The following CEP89 variants were observed in gnomAD, a reference collection of about 807,000 sequenced individuals.
The protein encoded by CEP89 is centrosomal protein of 89 kDa.
CEP89 carries 95 observed loss-of-function variants against 97.6 expected under a neutral mutation model. That is an observed-to-expected ratio of 0.97 (90% CI 0.82 to 1.15). The LOEUF is 1.15. Ranked by LOEUF, CEP89 falls within the 50% of genes most tolerant of loss-of-function variation. The pLI, the probability that CEP89 is intolerant of heterozygous loss-of-function variation, is 0.00. For synonymous variants in CEP89, 354 were observed against 349.1 expected (o/e 1.01, Z -0.16); for missense variants, 869 against 947.7 (o/e 0.92, Z 1.09).
At chr19:32,971,350 G>A (rs1971404678) in intron 1 of CEP89, 1 of 425,184 alleles carries the variant, frequency 2.4e-6, no homozygotes, top group Non-Finnish European at 4.2e-6. Context: ...GGGGAGGCAG[G>A]GTGCTCCTGT....
At chr19:32,958,708 A>G (rs1971101905) in intron 3 of CEP89, among the ~76,000 whole-genome samples, 1 of 151,130 alleles carries the variant, frequency 6.6e-6, no homozygotes, top group Non-Finnish European at 1.5e-5. Flanking sequence ...AAAGGTGAAT[A>G]TACGTGACAA....
intron 16 of CEP89, among the ~76,000 whole-genome samples, chr19:32,888,086 C>G (rs916091433): frequency 6.6e-6 from 1 of 152,188 alleles, no homozygotes; most frequent in African/African-American, 2.4e-5. Flanking sequence ...CCCCACAGAC[C>G]AGGGGAACGG....
chr19:32,937,484 G>T, intron 7 of CEP89, 147 bp downstream of exon 7: 1 of 707,942 alleles, frequency 1.4e-6, no homozygotes, highest in Non-Finnish European at 2.5e-6. Context: ...ACTACCTAGT[G>T]TTTGGACCCT....
chr19:32,916,531 G>A (rs1040987419), intron 13 of CEP89, among the ~76,000 whole-genome samples: 4 of 152,084 alleles, frequency 2.6e-5, no homozygotes, highest in Non-Finnish European at 4.4e-5. Context: ...CTAAGAACTG[G>A]ATTTATTATT....
chr19:32,915,310 A>G (rs536086354), intron 14 of CEP89, 27 bp downstream of exon 14: 123 of 1,560,522 alleles, frequency 7.9e-5, no homozygotes, highest in Middle Eastern at 1.7e-4. Flanking sequence ...GAAAAAAAAA[A>G]AAAAAGAAAA....
At chr19:32,913,453 T>C (rs527349811) in intron 14 of CEP89, among the ~76,000 whole-genome samples, 7 of 152,012 alleles carry the variant, frequency 4.6e-5, no homozygotes, top group African/African-American at 1.4e-4. Flanking sequence ...CATAGGTATA[T>C]ATATACACGC....
rs535435272 is a variant in CEP89 at position 32,887,218 on chromosome 19, T to C, written c.1965+534A>G. On this transcript the variant is annotated intron_variant, in intron 17 of 18. Coordinates refer to ENST00000305768, the MANE Select transcript of CEP89 (RefSeq NM_032816.5). ...CTTTTATTGGTGTTTTGTTTTGTTT[T>C]GGTTTTGGTTTTTTTTTGAGACAGG... Among the ~76,000 whole-genome samples, 8 of 151,582 alleles carry C rather than the reference T, an allele frequency of 5.3e-5. No homozygotes were observed. The South Asian group carries it at 1.5e-3, about 28-fold the overall frequency.
intron 14 of CEP89, among the ~76,000 whole-genome samples, chr19:32,911,642 A>T (rs1230622992): frequency 6.6e-6 from 1 of 152,080 alleles, no homozygotes; most frequent in Non-Finnish European, 1.5e-5. Flanking sequence ...ACAGAGGGAG[A>T]TCTCATCTCA....
chr19:32,951,518 TATATATATATATATATAC>T (rs937633479), intron 4 of CEP89, among the ~76,000 whole-genome samples: 35 of 45,346 alleles, frequency 7.7e-4, no homozygotes, highest in East Asian at 1.8e-3. Context: ...AAATTATATA[TATATATATATATATATAC>T]ACACACACAC....
chr19:32,943,053 G>T (rs536914025), intron 5 of CEP89, among the ~76,000 whole-genome samples: 4 of 151,438 alleles, frequency 2.6e-5, no homozygotes, highest in Admixed American at 2.0e-4. Context: ...TCCAGCTGCC[G>T]GGCTCAAGTG....
intron 1 of CEP89, 96 bp downstream of exon 1, chr19:32,971,740 A>G (rs1251848557): frequency 2.7e-5 from 34 of 1,252,870 alleles, no homozygotes; most frequent in Non-Finnish European, 3.8e-5. Context: ...CGCCCCCTTG[A>G]CTGGATCTCA....
intron 11 of CEP89, among the ~76,000 whole-genome samples, chr19:32,925,384 C>T (rs182298383): frequency 1.3e-5 from 2 of 152,134 alleles, no homozygotes; most frequent in African/African-American, 4.8e-5. Context: ...AACAGCTCAG[C>T]AATCAGACTT....
intron 14 of CEP89, among the ~76,000 whole-genome samples, chr19:32,901,839 G>A (rs566207774): frequency 6.6e-6 from 1 of 152,262 alleles, no homozygotes; most frequent in South Asian, 2.1e-4. Context: ...TGCCCAGGCT[G>A]GTTTCGAGCT....
At chr19:32,941,924 T>A (rs1970694869) in intron 5 of CEP89, among the ~76,000 whole-genome samples, 1 of 152,066 alleles carries the variant, frequency 6.6e-6, no homozygotes, top group African/African-American at 2.4e-5. Context: ...TAAGAAAAAA[T>A]ATATATTTTT....
At chr19:32,934,028 A>G (rs963490326) in intron 7 of CEP89, among the ~76,000 whole-genome samples, 17 of 152,234 alleles carry the variant, frequency 1.1e-4, no homozygotes, top group Non-Finnish European at 2.4e-4. Flanking sequence ...CCAGCAGGGA[A>G]GAAGGCAGGT....
rs10411735 is a variant in CEP89, at chr19:32,953,801, C to T, written c.306G>A (p.Arg102=). 0.34 allele frequency: 553,446 copies of T among 1,606,874 alleles called. 98,065 individuals carry two copies. Among genetic ancestry groups the T allele is most frequent in the Admixed American group, 0.55 (32,792 of 59,898 alleles). Reference sequence around the variant, plus strand: ...TTCCCATCTCACTCTGCCAATTTGGCCTGTATTAGAATATTCATGGGGAAA... The same window carrying T: ...TTCCCATCTCACTCTGCCAATTTGGTCTGTATTAGAATATTCATGGGGAAA... ...PYATTSQLRP[R]PNWQSEMGRR... is the part of the protein sequence containing the mutation. The change falls in exon 4 of 19, where the codon CGG becomes CGA. Residue 102 remains arginine, a splice_region_variant and synonymous_variant. Coordinates refer to ENST00000305768, the MANE Select transcript of CEP89 (RefSeq NM_032816.5).
intron 2 of CEP89, chr19:32,963,954 ACACACACACAC>A (rs1971228400): frequency 2.6e-5 from 2 of 76,708 alleles, no homozygotes; most frequent in African/African-American, 9.0e-5. Flanking sequence ...ACACACACAC[ACACACACACAC>A]ACACACACAC....
intron 5 of CEP89, among the ~76,000 whole-genome samples, chr19:32,940,456 T>A (rs1304698758): frequency 1.3e-5 from 2 of 151,516 alleles, no homozygotes; most frequent in African/African-American, 4.9e-5. Flanking sequence ...TCCACACATC[T>A]TCCCATGCCG....
chr19:32,885,701 T>C (rs1289258688), intron 17 of CEP89, among the ~76,000 whole-genome samples: 1 of 152,236 alleles, frequency 6.6e-6, no homozygotes, highest in Non-Finnish European at 1.5e-5. Flanking sequence ...AGGTACATAA[T>C]GTGCCCTTTC....
Sources: allele counts gnomAD v4.1 joint callset (sites outside exome capture counted in the v4.1 genomes callset), GRCh38; gene constraint gnomAD v4.1.1; transcripts MANE v1.5; gene names NCBI Gene and HGNC (gene_info 2026-07-23, HGNC 2026-07-21).